Variants in TENM2 observed in about 807,000 individuals in gnomAD.
TENM2 encodes the protein teneurin-2.
A neutral mutation model predicts 245.2 loss-of-function variants in TENM2; 52 were observed. The ratio of observed to expected loss-of-function variants is 0.21; its 90% CI spans 0.17 to 0.27. The LOEUF is 0.27. Among genes scored for constraint, TENM2 ranks in the 10% least tolerant of loss-of-function variants. The pLI is 1.00. For missense variants in TENM2, 3,046 were observed against 3,666.8 expected (o/e 0.83, Z 4.37); for synonymous variants, 1,363 against 1,438.9 (o/e 0.95, Z 1.19).
chr5:167,952,923 C>T (rs1224934563), intron 4 of TENM2, 101 bp downstream of exon 6: 2 of 942,630 alleles, frequency 2.1e-6, no homozygotes, highest in East Asian at 5.3e-5. Context: ...TCGGAGAGAC[C>T]CTCTGGGTAT....
chr5:167,481,269 G>A (rs1394462801), intron 2 of TENM2, among the ~76,000 whole-genome samples: 1 of 152,170 alleles, frequency 6.6e-6, no homozygotes, highest in Non-Finnish European at 1.5e-5. Flanking sequence ...AATATGGCCT[G>A]CTGCCTGTTC....
At chr5:168,014,991 G>A (rs1785541741) in intron 5 of TENM2, among the ~76,000 whole-genome samples, 1 of 152,136 alleles carries the variant, frequency 6.6e-6, no homozygotes, top group Admixed American at 6.5e-5. Flanking sequence ...AGCTTCATCT[G>A]CTTTGCAGGC....
chr5:167,508,131 T>A (rs552496734), intron 2 of TENM2, among the ~76,000 whole-genome samples: 1 of 152,128 alleles, frequency 6.6e-6, no homozygotes, highest in Non-Finnish European at 1.5e-5. Flanking sequence ...CGTCCCTTAA[T>A]TATCAGAATA....
At chr5:167,451,613 A>G (rs1017444629) in intron 2 of TENM2, among the ~76,000 whole-genome samples, 1 of 151,700 alleles carries the variant, frequency 6.6e-6, no homozygotes, top group Non-Finnish European at 1.5e-5. Context: ...TTCTATCTCA[A>G]GGGTGCTTTC....
intron 2 of TENM2, among the ~76,000 whole-genome samples, chr5:167,754,599 G>C (rs898090131): frequency 6.6e-6 from 1 of 151,320 alleles, no homozygotes; most frequent in East Asian, 1.9e-4. Flanking sequence ...AGATGTGTCA[G>C]CAACTAAGAG....
At chr5:166,994,634 T>A in the TENM2 span, among the ~76,000 whole-genome samples, 2 of 152,198 alleles carry the variant, frequency 1.3e-5, no homozygotes, top group African/African-American at 4.8e-5. Flanking sequence ...AAGGTGTATG[T>A]CTGGGGGAAA....
At chr5:167,785,236 G>A (rs1764492930) in intron 2 of TENM2, among the ~76,000 whole-genome samples, 1 of 152,142 alleles carries the variant, frequency 6.6e-6, no homozygotes, top group Non-Finnish European at 1.5e-5. Flanking sequence ...CACGTGATGT[G>A]ATTTAATGTG....
intron 3 of TENM2, among the ~76,000 whole-genome samples, chr5:167,892,326 A>C (rs527405631): frequency 1.4e-3 from 209 of 152,370 alleles, no homozygotes; most frequent in African/African-American, 4.7e-3. Context: ...ATGCAGGCCT[A>C]GAGTAGTAAG....
intron 3 of TENM2, among the ~76,000 whole-genome samples, chr5:167,898,568 T>A (rs1233243687): frequency 6.6e-6 from 1 of 152,142 alleles, no homozygotes; most frequent in Non-Finnish European, 1.5e-5. Flanking sequence ...CAGATGCTCT[T>A]GAGAAAGAGT....
Position 168,247,064 on chromosome 5 carries a change from A to G in TENM2, c.6125A>G (p.Tyr2042Cys). Residue 2042 changes from tyrosine (Y) to cysteine (C), a missense_variant, in exon 27 of 29, where the codon TAT (tyrosine) becomes TGT (cysteine). Around this residue, in one of 2 missense-constraint regions of TENM2, gnomAD observed 2,704 missense variants for 3,331.9 expected, o/e 0.81. Transcript: ENST00000518659. This position sits in a 1 kb window ranked among gnomAD's most constrained non-coding sequence, Gnocchi z 7.8. ...GACAGTACCGCCGTCACCTTCGGGT[A>G]TGACGAGACCACTGGTGTCTTGAAG... 6.2e-7 allele frequency: 1 copy of G among 1,614,000 alleles called. No individual in the cohort carries two copies. Among genetic ancestry groups the G allele is most frequent in the Non-Finnish European group, 8.5e-7 (1 of 1,179,888 alleles).
chr5:167,940,180 G>A (rs138079072), intron 3 of TENM2, among the ~76,000 whole-genome samples: 15 of 152,212 alleles, frequency 9.9e-5, no homozygotes, highest in Middle Eastern at 3.4e-3. Context: ...AAATGATACC[G>A]CAGTATACTT....
chr5:167,307,322 T>A (rs532176487), intron 1 of TENM2, among the ~76,000 whole-genome samples: 1 of 152,286 alleles, frequency 6.6e-6, no homozygotes, highest in South Asian at 2.1e-4. Flanking sequence ...GTGGCCAGTG[T>A]CACTCCCATC....
intron 2 of TENM2, among the ~76,000 whole-genome samples, chr5:167,491,478 A>AC (rs1399378391): frequency 6.6e-6 from 1 of 152,002 alleles, no homozygotes; most frequent in Non-Finnish European, 1.5e-5. Context: ...ATAGTGATCC[A>AC]CCAGCCACTA....
chr5:167,754,743 T>C (rs116063178), intron 2 of TENM2, among the ~76,000 whole-genome samples: 940 of 76,678 alleles, frequency 0.012, 8 homozygotes, highest in African/African-American at 0.032. Flanking sequence ...AAAAAAAAAG[T>C]CTGTGTCAAA....
rs141653555 is a variant in TENM2, at chr5:167,367,686, T to C, written c.227-7512T>C. Reference sequence around the variant, plus strand: ...TATTTTAGATAATGTTGATAACGGTTTTAAACCGATTATTTTGTATGGCTC... The same window carrying C: ...TATTTTAGATAATGTTGATAACGGTCTTAAACCGATTATTTTGTATGGCTC... On this transcript the variant is annotated intron_variant, in intron 1 of 28. Coordinates refer to ENST00000518659, the Ensembl canonical transcript of TENM2. Among the ~76,000 whole-genome samples, 7 of 152,220 alleles carry C rather than the reference T, an allele frequency of 4.6e-5. No homozygotes were observed. In the East Asian group the frequency reaches 1.4e-3, roughly 29 times the overall value.
chr5:167,674,244 C>G (rs1308959352), intron 2 of TENM2, among the ~76,000 whole-genome samples: 1 of 152,086 alleles, frequency 6.6e-6, no homozygotes, highest in African/African-American at 2.4e-5. Flanking sequence ...TCAATGAAGA[C>G]AAATGAATTT....
At chr5:167,167,958 GA>G in the TENM2 span, among the ~76,000 whole-genome samples, 4 of 150,768 alleles carry the variant, frequency 2.7e-5, no homozygotes, top group East Asian at 1.9e-4. Flanking sequence ...ATCAAGAGTG[GA>G]AAAAAAAATA....
intron 24 of TENM2, among the ~76,000 whole-genome samples, chr5:168,227,458 C>T (rs1764307727): frequency 6.6e-6 from 1 of 151,076 alleles, no homozygotes; most frequent in Non-Finnish European, 1.5e-5. Flanking sequence ...TGTGGCTAGA[C>T]CAGCAACCTT....
chr5:168,142,017 C>T (rs1455917523), intron 12 of TENM2, among the ~76,000 whole-genome samples: 1 of 152,228 alleles, frequency 6.6e-6, no homozygotes, highest in Non-Finnish European at 1.5e-5. Context: ...AGACACATAT[C>T]CCCAGTGCTG....
Sources: gnomAD v4.1 joint callset for allele counts (sites outside exome capture counted in the v4.1 genomes callset) on GRCh38, gnomAD v4.1.1 for gene constraint, gnomAD v4.1.1 regional missense constraint, Gnocchi (gnomAD v3.1) non-coding constraint, MANE v1.5 for transcripts, NCBI Gene and HGNC (gene_info 2026-07-23, HGNC 2026-07-21) for gene names.